The following UNC5C variants were observed in gnomAD, a reference collection of about 807,000 sequenced individuals.
The protein encoded by UNC5C is unc-5 netrin receptor C.
A neutral mutation model predicts 99.8 loss-of-function variants in UNC5C; 47 were observed. The observed-to-expected ratio is 0.47, with a 90% CI of 0.37 to 0.60. The LOEUF is 0.60. Among genes scored for constraint, UNC5C ranks in the 20% least tolerant of loss-of-function variants. UNC5C has a pLI of 0.00. For missense variants in UNC5C, 1,062 were observed against 1,165.9 expected, an observed-to-expected ratio of 0.91 and a Z score of 1.30; for synonymous variants, 487 against 452.2, an observed-to-expected ratio of 1.08 and a Z score of -0.98.
chr4:95,541,365 T>TG (rs2149496166), intron 1 of UNC5C, among the ~76,000 whole-genome samples: 1 of 152,196 alleles, frequency 6.6e-6, no homozygotes, highest in African/African-American at 2.4e-5. Context: ...GGTTATCAGA[T>TG]GAAAAAAAAG....
At chr4:95,226,217 G>C (rs989703095) in intron 7 of UNC5C, among the ~76,000 whole-genome samples, 19 of 152,202 alleles carry the variant, frequency 1.2e-4, no homozygotes, top group Admixed American at 1.2e-3. Context: ...AAAAGCACCA[G>C]GCCATGGGCC....
chr4:95,169,502 T>G, intron 15 of UNC5C, 103 bp from the exon 16 acceptor site: 1 of 1,352,488 alleles, frequency 7.4e-7, no homozygotes, highest in Non-Finnish European at 1.0e-6. Flanking sequence ...AGTTTCCTGG[T>G]CCCATTGTGG....
At chr4:95,264,685 C>A (rs1740375523) in intron 4 of UNC5C, among the ~76,000 whole-genome samples, 1 of 152,176 alleles carries the variant, frequency 6.6e-6, no homozygotes. Flanking sequence ...TATGCACCTG[C>A]TCATTCACTC....
At chr4:95,505,190 T>C (rs1721881436) in intron 1 of UNC5C, among the ~76,000 whole-genome samples, 1 of 152,082 alleles carries the variant, frequency 6.6e-6, no homozygotes, top group Non-Finnish European at 1.5e-5. Flanking sequence ...TTAAGAACAG[T>C]AGCAAATGAA....
chr4:95,213,387 G>A (rs867445978), intron 10 of UNC5C, among the ~76,000 whole-genome samples: 5 of 152,216 alleles, frequency 3.3e-5, no homozygotes, highest in South Asian at 2.1e-4. Context: ...AAACAAAGGC[G>A]TCGCCGCCTT....
chr4:95,400,751 T>G lies in UNC5C; in HGVS notation c.125-65120A>C, dbSNP rs148858854. Among the ~76,000 whole-genome samples, 243 of 152,250 alleles carry G rather than the reference T, an allele frequency of 1.6e-3. 2 individuals carry two copies. Among genetic ancestry groups the G allele is most frequent in the African/African-American group, 5.7e-3 (236 of 41,542 alleles). On this transcript the variant is annotated intron_variant, in intron 1 of 15. Transcript: ENST00000453304. Reference sequence around the variant, plus strand: ...GCCTAGAAGTGGATCAACCTTCCAGTCCCCAACTCCACCCTGGGTTGAGCC... The same window carrying G: ...GCCTAGAAGTGGATCAACCTTCCAGGCCCCAACTCCACCCTGGGTTGAGCC...
chr4:95,409,079 C>T (rs188681632), intron 1 of UNC5C, among the ~76,000 whole-genome samples: 130 of 152,284 alleles, frequency 8.5e-4, no homozygotes, highest in African/African-American at 3.1e-3. Flanking sequence ...ATTTGATTCT[C>T]TTATTTCAAG....
In UNC5C at chr4:95,195,414, T is replaced by C. The variant is rs149914186; in HGVS notation, c.2136+7317A>G. 6.7e-3 allele frequency among the ~76,000 whole-genome samples: 1,028 copies of C among 152,300 alleles called. 9 individuals are homozygous for C. The highest frequency in any genetic ancestry group is 0.024 in the African/African-American group (979 of 41,558). ...AATTCACATGTTGCACATGTGAATA[T>C]ATTAGTTTAACTCCAGAGGCCAGGA... On this transcript the variant is annotated intron_variant, in intron 12 of 15. Transcript: ENST00000453304.
chr4:95,344,712 T>C (rs1743706272), intron 1 of UNC5C, among the ~76,000 whole-genome samples: 1 of 152,038 alleles, frequency 6.6e-6, no homozygotes, highest in Non-Finnish European at 1.5e-5. Context: ...AAAGTTAAAG[T>C]GTAGAGTTTT....
intron 1 of UNC5C, among the ~76,000 whole-genome samples, chr4:95,483,376 C>T (rs1721228210): frequency 6.6e-6 from 1 of 151,732 alleles, no homozygotes; most frequent in Non-Finnish European, 1.5e-5. Context: ...TAAATATTCA[C>T]CCCTTTACTA....
intron 14 of UNC5C, among the ~76,000 whole-genome samples, chr4:95,178,885 A>ATTTC (rs1366942811): frequency 5.3e-5 from 8 of 152,260 alleles, no homozygotes; most frequent in African/African-American, 1.9e-4. Flanking sequence ...ATAGGGCATC[A>ATTTC]TTTCTTTGTT....
At chr4:95,354,867 C>T (rs1002685739) in intron 1 of UNC5C, among the ~76,000 whole-genome samples, 8 of 152,068 alleles carry the variant, frequency 5.3e-5, no homozygotes, top group African/African-American at 1.7e-4. Flanking sequence ...CTCTCCCACC[C>T]GTATCTTCAA....
chr4:95,540,611 C>T (rs564362496), intron 1 of UNC5C, among the ~76,000 whole-genome samples: 1 of 152,318 alleles, frequency 6.6e-6, no homozygotes, highest in Admixed American at 6.5e-5. Flanking sequence ...TTTAGAATGA[C>T]TTCAAGATTG....
chr4:95,318,115 T>C (rs1338380187), intron 2 of UNC5C, among the ~76,000 whole-genome samples: 1 of 152,104 alleles, frequency 6.6e-6, no homozygotes, highest in Non-Finnish European at 1.5e-5. Context: ...GATAAAAATA[T>C]GTTCACCTTG....
At chr4:95,454,198 A>C (rs1010669121) in intron 1 of UNC5C, among the ~76,000 whole-genome samples, 7 of 152,100 alleles carry the variant, frequency 4.6e-5, no homozygotes, top group African/African-American at 9.7e-5. Flanking sequence ...GACACTCTTC[A>C]TTTGATACTT....
intron 1 of UNC5C, among the ~76,000 whole-genome samples, chr4:95,367,581 T>G (rs1218294705): frequency 1.3e-5 from 2 of 152,026 alleles, no homozygotes; most frequent in Admixed American, 6.6e-5. Flanking sequence ...ACTTACCCTC[T>G]AAAAATGTGA....
rs552925748 is a variant in UNC5C at position 95,519,545 on chromosome 4, A to C, written c.124+29189T>G. Among the ~76,000 whole-genome samples, 16 of 152,296 alleles carry C rather than the reference A, an allele frequency of 1.1e-4. No homozygotes were observed. The East Asian group carries it at 1.7e-3, about 17-fold the overall frequency. Reference sequence around the variant, plus strand: ...CACACATTAGCACATTTAAAAAAAAAAAACAAACTTTTCCTACTTCAGCTG... The same window carrying C: ...CACACATTAGCACATTTAAAAAAAACAAACAAACTTTTCCTACTTCAGCTG... On this transcript the variant is annotated intron_variant, in intron 1 of 15. Transcript: ENST00000453304.
At chr4:95,260,725 T>C (rs1295968045) in intron 4 of UNC5C, among the ~76,000 whole-genome samples, 4 of 152,184 alleles carry the variant, frequency 2.6e-5, no homozygotes, top group Non-Finnish European at 5.9e-5. Flanking sequence ...ATGAGAATCC[T>C]GACCTGGCTT....
intron 5 of UNC5C, chr4:95,248,694 T>G (rs1739587949): frequency 2.5e-6 from 1 of 399,422 alleles, no homozygotes; most frequent in Non-Finnish European, 5.0e-6. Flanking sequence ...AGTCCTATCA[T>G]GTACCCCATA....
Sources: allele counts gnomAD v4.1 joint callset (sites outside exome capture counted in the v4.1 genomes callset), GRCh38; gene constraint gnomAD v4.1.1; transcripts MANE v1.5; gene names NCBI Gene and HGNC (gene_info 2026-07-23, HGNC 2026-07-21).